The following IL1RAPL1 variants were observed in gnomAD, a reference collection of about 807,000 sequenced individuals.
IL1RAPL1 encodes interleukin-1 receptor accessory protein-like 1.
Under a neutral mutation model 48.4 loss-of-function variants are expected in IL1RAPL1, and 3 were observed. The ratio of observed to expected loss-of-function variants is 0.06; its 90% CI spans 0.03 to 0.16. The LOEUF is 0.16. Ranked by LOEUF, IL1RAPL1 falls within the 10% of genes least tolerant of loss-of-function variation. IL1RAPL1 has a pLI of 1.00. For synonymous variants in IL1RAPL1, 185 were observed against 187.7 expected (o/e 0.99, Z 0.12); for missense variants, 349 against 530.6 (o/e 0.66, Z 3.36).
In IL1RAPL1 at chrX:29,930,259, A is replaced by G. The variant is rs761046966; in HGVS notation, c.1057+10165A>G. On this transcript the variant is annotated intron_variant, in intron 8 of 10. Transcript: ENST00000378993. Reference sequence around the variant, plus strand: ...TTTAAAAAATTCCTGTTAGACTTGCATTGCTGAACCAGGCATCTTTAAATG... The same window carrying G: ...TTTAAAAAATTCCTGTTAGACTTGCGTTGCTGAACCAGGCATCTTTAAATG... 1.9e-4 allele frequency among the ~76,000 whole-genome samples: 21 copies of G among 112,331 alleles called. No homozygotes were observed. The South Asian group carries it at 7.6e-3, about 41-fold the overall frequency.
At chrX:28,792,851 A>ATGT (rs1491269024) in intron 2 of IL1RAPL1, among the ~76,000 whole-genome samples, 1 of 27,837 alleles carries the variant, frequency 3.6e-5, no homozygotes, top group African/African-American at 3.4e-4. Flanking sequence ...ATATATATAT[A>ATGT]AAAAATAAGG....
At chrX:28,922,137 C>T (rs1923630385) in intron 2 of IL1RAPL1, among the ~76,000 whole-genome samples, 1 of 111,605 alleles carries the variant, frequency 9.0e-6, no homozygotes, top group Admixed American at 9.6e-5. Flanking sequence ...ACCTCAGTTT[C>T]TTGTACAAGT....
At position 28,977,430 on chromosome X, in the gene IL1RAPL1, A is replaced by G. The variant is rs766925105; in HGVS notation, c.82+188005A>G. On this transcript the variant is annotated intron_variant, in intron 2 of 10. Coordinates refer to ENST00000378993, the MANE Select transcript of IL1RAPL1 (RefSeq NM_014271.4). Reference sequence around the variant, plus strand: ...ACACTTTTAAACAACCAGATCTCATAAGAACTCACTCACTATACAGTACCA... The same window carrying G: ...ACACTTTTAAACAACCAGATCTCATGAGAACTCACTCACTATACAGTACCA... Among the ~76,000 whole-genome samples the G allele has an allele frequency of 2.7e-5, 3 of 111,509 alleles. No homozygotes were observed. The South Asian group carries it at 1.2e-3, about 43-fold the overall frequency.
At chrX:28,955,447 T>C (rs917912223) in intron 2 of IL1RAPL1, among the ~76,000 whole-genome samples, 1 of 111,151 alleles carries the variant, frequency 9.0e-6, no homozygotes, top group East Asian at 2.8e-4. Flanking sequence ...TAAAAATTAC[T>C]AATCTTGTAT....
intron 5 of IL1RAPL1, among the ~76,000 whole-genome samples, chrX:29,635,825 CT>C (rs1406019503): frequency 1.9e-5 from 2 of 108,034 alleles, no homozygotes; most frequent in Admixed American, 9.9e-5. Flanking sequence ...AACTAAAGAT[CT>C]CTAAACAACT....
intron 5 of IL1RAPL1, among the ~76,000 whole-genome samples, chrX:29,592,584 C>T (rs1275327699): frequency 5.4e-5 from 6 of 111,744 alleles, no homozygotes. Flanking sequence ...CCTCGTTTCA[C>T]CTCTCTTTTC....
intron 6 of IL1RAPL1, among the ~76,000 whole-genome samples, chrX:29,803,057 A>G (rs1315409572): frequency 1.1e-4 from 5 of 43,941 alleles, no homozygotes; most frequent in Non-Finnish European, 1.3e-4. Flanking sequence ...ATGTGTACAT[A>G]TATATGTATG....
chrX:29,738,787 C>T (rs928377843), intron 6 of IL1RAPL1, among the ~76,000 whole-genome samples: 1 of 111,793 alleles, frequency 8.9e-6, no homozygotes, highest in African/African-American at 3.3e-5. Flanking sequence ...GTTCCCAATG[C>T]GCAGAATCCG....
intron 5 of IL1RAPL1, among the ~76,000 whole-genome samples, chrX:29,482,575 A>G (rs987820053): frequency 8.9e-6 from 1 of 112,741 alleles, no homozygotes; most frequent in Non-Finnish European, 1.9e-5. Flanking sequence ...TGCTTTCTTA[A>G]GAATGTGGAA....
chrX:29,700,088 T>G lies in IL1RAPL1; in HGVS notation c.778+31584T>G, dbSNP rs1322053762. Among the ~76,000 whole-genome samples the G allele has an allele frequency of 2.7e-5, 3 of 111,019 alleles. No homozygotes were observed. In the Admixed American group the frequency reaches 2.9e-4, roughly 11 times the overall value. On this transcript the variant is annotated intron_variant, in intron 6 of 10. Transcript: ENST00000378993. ...TTTCTCTTCTTTAAAACAAGAGGCA[T>G]GAACCAGATTATCTCTTAGAAACTC...
chrX:29,800,495 TACACACAC>T (rs111338514), intron 6 of IL1RAPL1, among the ~76,000 whole-genome samples: 1 of 103,792 alleles, frequency 9.6e-6, no homozygotes, highest in Non-Finnish European at 2.0e-5. Context: ...ATATCCCAAA[TACACACAC>T]ACACACACAC....
chrX:29,080,976 CTT>C (rs1189829722), intron 2 of IL1RAPL1, among the ~76,000 whole-genome samples: 38 of 43,875 alleles, frequency 8.7e-4, no homozygotes, highest in Admixed American at 1.3e-3. Context: ...TTCTTTCTTT[CTT>C]TCTTTCTTTC....
intron 5 of IL1RAPL1, among the ~76,000 whole-genome samples, chrX:29,625,093 G>A (rs1321497542): frequency 9.0e-6 from 1 of 111,481 alleles, no homozygotes; most frequent in East Asian, 2.8e-4. Flanking sequence ...AAAAATATGT[G>A]CGTGGCTTTG....
intron 5 of IL1RAPL1, among the ~76,000 whole-genome samples, chrX:29,605,530 C>G (rs1467993815): frequency 1.8e-5 from 2 of 110,217 alleles, no homozygotes; most frequent in African/African-American, 6.6e-5. Flanking sequence ...AAGATTAATG[C>G]CAGGATATCA....
At chrX:28,822,670 A>G (rs1936949193) in intron 2 of IL1RAPL1, among the ~76,000 whole-genome samples, 1 of 111,758 alleles carries the variant, frequency 8.9e-6, no homozygotes, top group Admixed American at 9.5e-5. Flanking sequence ...TGGCTGGTGG[A>G]CATAGATGAG....
intron 1 of IL1RAPL1, among the ~76,000 whole-genome samples, chrX:28,719,363 GTTA>G (rs940662583): frequency 3.6e-5 from 4 of 111,154 alleles, no homozygotes; most frequent in Non-Finnish European, 7.6e-5. Flanking sequence ...TGTTATTACT[GTTA>G]TTATTATTAA....
intron 2 of IL1RAPL1, among the ~76,000 whole-genome samples, chrX:28,960,746 C>T (rs760758183): frequency 1.9e-4 from 21 of 111,184 alleles, no homozygotes; most frequent in Admixed American, 1.6e-3. Context: ...CCGTGGCTCA[C>T]GCCTGTAATC....
At chrX:29,199,682 G>A (rs1404155024) in intron 2 of IL1RAPL1, among the ~76,000 whole-genome samples, 3 of 112,072 alleles carry the variant, frequency 2.7e-5, no homozygotes, top group African/African-American at 9.7e-5. Context: ...GACAGGAGGC[G>A]GAGCTCAGGT....
At chrX:29,021,215 G>GAAAAAAAA (rs746008500) in intron 2 of IL1RAPL1, among the ~76,000 whole-genome samples, 22 of 41,927 alleles carry the variant, frequency 5.2e-4, no homozygotes, top group South Asian at 2.6e-3. Flanking sequence ...CCGTCTCAAG[G>GAAAAAAAA]AAAAAAAAAA....
Sources: allele counts gnomAD v4.1 joint callset (sites outside exome capture counted in the v4.1 genomes callset), GRCh38; gene constraint gnomAD v4.1.1; transcripts MANE v1.5; gene names NCBI Gene and HGNC (gene_info 2026-07-23, HGNC 2026-07-21).